ELP4: variants seen among roughly 807,000 people sequenced by gnomAD.
ELP4 encodes elongator acetyltransferase complex subunit 4.
A neutral mutation model predicts 48.9 loss-of-function variants in ELP4; 51 were observed. That is an observed-to-expected ratio of 1.04 (90% CI 0.83 to 1.32). ELP4 has a LOEUF of 1.32. Ranked by LOEUF, ELP4 falls within the 40% of genes most tolerant of loss-of-function variation. The pLI is 0.00. For missense variants in ELP4, 519 were observed against 514.6 expected, an observed-to-expected ratio of 1.01 and a Z score of -0.08; for synonymous variants, 210 against 189.2, an observed-to-expected ratio of 1.11 and a Z score of -0.90.
intron 3 of ELP4, among the ~76,000 whole-genome samples, chr11:31,579,310 C>A (rs1957344606): frequency 1.3e-5 from 2 of 152,124 alleles, no homozygotes; most frequent in African/African-American, 4.8e-5. Flanking sequence ...GATGTGGAGA[C>A]ACAGGAACAC....
At chr11:31,743,348 A>G (rs916021257) in intron 9 of ELP4, among the ~76,000 whole-genome samples, 2 of 152,168 alleles carry the variant, frequency 1.3e-5, no homozygotes, top group African/African-American at 2.4e-5. Flanking sequence ...CGAGACAGAA[A>G]GTTAACAAGG....
At chr11:31,662,482 T>G (rs572601404) in intron 9 of ELP4, 1 of 396,868 alleles carries the variant, frequency 2.5e-6, no homozygotes, top group East Asian at 3.6e-5. Flanking sequence ...TACATTTTAT[T>G]GTAACAGCCA....
intron 7 of ELP4, among the ~76,000 whole-genome samples, chr11:31,642,537 A>G (rs144730276): frequency 1.8e-4 from 27 of 151,970 alleles, no homozygotes; most frequent in Middle Eastern, 3.4e-3. Context: ...CTTTAGGATA[A>G]AGAACCAAAA....
intron 3 of ELP4, chr11:31,580,547 C>CAT (rs1228467189): frequency 1.3e-5 from 2 of 152,388 alleles, no homozygotes; most frequent in African/African-American, 4.8e-5. Flanking sequence ...GTTCAGCTCT[C>CAT]ATATAATACC....
At chr11:31,753,896 A>T (rs997367990) in intron 9 of ELP4, among the ~76,000 whole-genome samples, 20 of 152,318 alleles carry the variant, frequency 1.3e-4, no homozygotes, top group African/African-American at 4.8e-4. Context: ...GCTTACCTCT[A>T]GAGAGGTATG....
chr11:31,550,887 C>G (rs887419791), intron 3 of ELP4, among the ~76,000 whole-genome samples: 5 of 152,154 alleles, frequency 3.3e-5, no homozygotes, highest in African/African-American at 1.2e-4. Flanking sequence ...ATTGTCATGA[C>G]CTTTGCTCTT....
chr11:31,554,368 G>T (rs1379021408), intron 3 of ELP4, among the ~76,000 whole-genome samples: 1 of 151,910 alleles, frequency 6.6e-6, no homozygotes, highest in African/African-American at 2.4e-5. Context: ...TTTTAAAGTT[G>T]TTATTTTTCT....
At chr11:31,675,536 C>T (rs2134113813) in intron 9 of ELP4, among the ~76,000 whole-genome samples, 1 of 152,264 alleles carries the variant, frequency 6.6e-6, no homozygotes, top group East Asian at 1.9e-4. Flanking sequence ...GCTGGGATTA[C>T]AGGTGTGAGC....
intron 7 of ELP4, among the ~76,000 whole-genome samples, chr11:31,635,658 A>T (rs541116093): frequency 6.6e-6 from 1 of 152,116 alleles, no homozygotes; most frequent in East Asian, 1.9e-4. Context: ...AATGGAGCAA[A>T]AAGTATCCAG....
chr11:31,680,668 C>T (rs984333938), intron 9 of ELP4, among the ~76,000 whole-genome samples: 1 of 152,108 alleles, frequency 6.6e-6, no homozygotes, highest in Non-Finnish European at 1.5e-5. Flanking sequence ...AAATTCACTG[C>T]CCTTGAGTGT....
At chr11:31,779,348 C>A (rs1948318519) in intron 9 of ELP4, among the ~76,000 whole-genome samples, 1 of 152,298 alleles carries the variant, frequency 6.6e-6, no homozygotes, top group South Asian at 2.1e-4. Context: ...CTTGCCCCTT[C>A]TGTCTGGGAA....
chr11:31,575,534 C>T (rs1957260716), intron 3 of ELP4, among the ~76,000 whole-genome samples: 1 of 152,128 alleles, frequency 6.6e-6, no homozygotes, highest in South Asian at 2.1e-4. Context: ...TAAGGGCAGC[C>T]AGAGAGAAAG....
intron 2 of ELP4, among the ~76,000 whole-genome samples, chr11:31,531,857 T>C (rs1298352314): frequency 6.6e-6 from 1 of 151,960 alleles, no homozygotes; most frequent in African/African-American, 2.4e-5. Flanking sequence ...CAGGGACCAA[T>C]TGGGAGGCTG....
chr11:31,588,580 G>T (rs1309015255), intron 3 of ELP4, among the ~76,000 whole-genome samples: 2 of 151,682 alleles, frequency 1.3e-5, no homozygotes, highest in African/African-American at 4.8e-5. Flanking sequence ...GTTTGAAATT[G>T]TTTTTTTTAA....
rs558337996 is a variant in ELP4, at chr11:31,694,013, G to T, written c.1143+43792G>T. Reference sequence around the variant, plus strand: ...CGCCCACTTTTTGATGGGGTTGTTTGTTTTTTTCTTATAAATTTGTTTGAG... The same window carrying T: ...CGCCCACTTTTTGATGGGGTTGTTTTTTTTTTTCTTATAAATTTGTTTGAG... On this transcript the variant is annotated intron_variant, in intron 9 of 9. Coordinates refer to ENST00000640961, the MANE Select transcript of ELP4 (RefSeq NM_019040.5). Among the ~76,000 whole-genome samples, 354 of 152,130 alleles carry T rather than the reference G, an allele frequency of 2.3e-3. 3 individuals are homozygous for T. The highest frequency in any genetic ancestry group is 1.8e-3 in the Non-Finnish European group (119 of 67,966).
In ELP4 at chr11:31,564,624, C is replaced by T. The variant is rs563687104; in HGVS notation, c.381+24841C>T. ...ATTCCTACCTATGAGTGAGAAAATG[C>T]GGTGTTTGGCTTTTTGTCCCTACGA... On this transcript the variant is annotated intron_variant, in intron 3 of 9. Coordinates refer to ENST00000640961, the MANE Select transcript of ELP4 (RefSeq NM_019040.5). Among the ~76,000 whole-genome samples the T allele has an allele frequency of 2.2e-4, 34 of 152,146 alleles. 1 individual carries two copies. Among genetic ancestry groups the T allele is most frequent in the African/African-American group, 3.6e-4 (15 of 41,512 alleles).
At chr11:31,645,413 C>G (rs1945179717) in intron 7 of ELP4, among the ~76,000 whole-genome samples, 1 of 151,638 alleles carries the variant, frequency 6.6e-6, no homozygotes, top group Admixed American at 6.6e-5. Context: ...GAAGTAAATC[C>G]TCTTTGAAAT....
chr11:31,547,635 A>G lies in ELP4; in HGVS notation c.381+7852A>G, dbSNP rs186605825. On this transcript the variant is annotated intron_variant, in intron 3 of 9. Coordinates refer to ENST00000640961, the MANE Select transcript of ELP4 (RefSeq NM_019040.5). ...GAGGGAATGTTCCCTAACTCATTTT[A>G]TGAGGCCAGCATCATCCTGATACCA... Among the ~76,000 whole-genome samples, 498 of 152,342 alleles carry G rather than the reference A, an allele frequency of 3.3e-3. 1 individual carries two copies. Among genetic ancestry groups the G allele is most frequent in the Non-Finnish European group, 5.7e-3 (390 of 68,040 alleles).
intron 3 of ELP4, among the ~76,000 whole-genome samples, chr11:31,553,764 A>ACACACACACACACACACAC (rs1491538602): frequency 7.0e-6 from 1 of 141,964 alleles, no homozygotes; most frequent in African/African-American, 2.6e-5. Flanking sequence ...ACACACACAC[A>ACACACACACACACACACAC]CCCTATTGGT....
Sources: allele counts gnomAD v4.1 joint callset (sites outside exome capture counted in the v4.1 genomes callset), GRCh38; gene constraint gnomAD v4.1.1; transcripts MANE v1.5; gene names NCBI Gene and HGNC (gene_info 2026-07-23, HGNC 2026-07-21).